The following FANCL variants were observed in gnomAD, a reference collection of about 807,000 sequenced individuals.
FANCL encodes E3 ubiquitin-protein ligase FANCL.
Under a neutral mutation model 59.4 loss-of-function variants are expected in FANCL, and 69 were observed. The ratio of observed to expected loss-of-function variants is 1.16; its 90% confidence interval spans 0.96 to 1.42. FANCL has a LOEUF of 1.42. Ranked by LOEUF, FANCL falls within the 40% of genes most tolerant of loss-of-function variation. The pLI, the probability that FANCL is intolerant of heterozygous loss-of-function variation, is 0.00. For missense variants in FANCL, 519 were observed against 447.2 expected, an observed-to-expected ratio of 1.16 and a Z score of -1.45; for synonymous variants, 180 against 147.1, an observed-to-expected ratio of 1.22 and a Z score of -1.62.
In FANCL at chr2:58,194,326, A is replaced by T. The variant is rs1689225898; in HGVS notation, c.540+4268T>A. The T allele has an allele frequency of 6.4e-6, 3 of 470,336 alleles. No individual in the cohort carries two copies. The Admixed American group carries it at 7.1e-5, about 11-fold the overall frequency. The allele number at this position is 470,336 out of a possible 1,614,324, so 29.1% of individuals were successfully genotyped here. On this transcript the variant is annotated intron_variant, in intron 7 of 13. Coordinates refer to ENST00000233741, the MANE Select transcript of FANCL (RefSeq NM_018062.4). The stretch of plus-strand genomic sequence containing the variant: ...TAATCATAATATCAGTGCACTTAAA[A>T]TCTGACATTTAGGCATTCTACAGTC...
intron 7 of FANCL, among the ~76,000 whole-genome samples, chr2:58,180,341 C>T (rs1468767052): frequency 6.6e-6 from 1 of 152,054 alleles, no homozygotes; most frequent in Non-Finnish European, 1.5e-5. Context: ...CAATGATAGA[C>T]TGGAAAAGAA....
At chr2:58,163,249 C>CA in intron 9 of FANCL, 175 bp from the exon 10 acceptor site, 1 of 740,260 alleles carries the variant, frequency 1.4e-6, no homozygotes, top group Non-Finnish European at 2.3e-6. Context: ...TTTAAAATAA[C>CA]TATCATTATT....
At chr2:58,214,321 A>T (rs912003469) in intron 5 of FANCL, among the ~76,000 whole-genome samples, 23 of 152,164 alleles carry the variant, frequency 1.5e-4, no homozygotes, top group Admixed American at 1.5e-3. Context: ...TACAAAGCAA[A>T]AGACAACACT....
chr2:58,209,469 G>C (rs557152004), intron 5 of FANCL, among the ~76,000 whole-genome samples: 58 of 151,776 alleles, frequency 3.8e-4, no homozygotes, highest in African/African-American at 1.3e-3. Flanking sequence ...AAGGTTTTCA[G>C]TTTAACTGAA....
rs542443635 is a variant in FANCL at position 58,164,364 on chromosome 2, C to G, written c.692-847G>C. Among the ~76,000 whole-genome samples, 148 of 151,936 alleles carry G rather than the reference C, an allele frequency of 9.7e-4. 1 individual carries two copies. Among genetic ancestry groups the G allele is most frequent in the African/African-American group, 3.4e-3 (143 of 41,498 alleles). On this transcript the variant is annotated intron_variant, in intron 8 of 13. Coordinates refer to ENST00000233741, the MANE Select transcript of FANCL (RefSeq NM_018062.4). ...ATATCTGGCAAAAAGAGGTCATTAA[C>G]AGAAAAAAATGACTAGCCATTCAAT...
chr2:58,180,689 C>T (rs1040349879), intron 7 of FANCL, among the ~76,000 whole-genome samples: 10 of 151,746 alleles, frequency 6.6e-5, no homozygotes, highest in Admixed American at 3.9e-4. Context: ...ACATGTATAC[C>T]AGAACTTAAA....
At chr2:58,162,809 C>T in intron 11 of FANCL, 57 bp downstream of exon 11, 1 of 1,397,222 alleles carries the variant, frequency 7.2e-7, no homozygotes, top group Admixed American at 1.7e-5. Flanking sequence ...CTGAGAGAAG[C>T]ATTTAAACTT....
At chr2:58,238,794 T>C (rs568137431) in intron 1 of FANCL, among the ~76,000 whole-genome samples, 3 of 152,182 alleles carry the variant, frequency 2.0e-5, no homozygotes, top group South Asian at 2.1e-4. Context: ...TTAAGGTGCA[T>C]AGTAAATTGA....
chr2:58,159,441 C>A lies in FANCL; in HGVS notation c.*324G>T. 1 of 1,613,554 alleles carries A rather than the reference C, an allele frequency of 6.2e-7. No homozygotes were observed. Among genetic ancestry groups the A allele is most frequent in the Non-Finnish European group, 8.5e-7 (1 of 1,179,650 alleles). ...CACAAAAAATCAGCTATACACAATTCCCAAACTCATTTTATGAGCCTCATC... is the reference window on the plus strand; with the variant it reads ...CACAAAAAATCAGCTATACACAATTACCAAACTCATTTTATGAGCCTCATC... On this transcript the variant is annotated 3_prime_UTR_variant, in exon 14 of 14. Coordinates refer to ENST00000233741, the MANE Select transcript of FANCL (RefSeq NM_018062.4).
At chr2:58,188,768 AG>A (rs920632886) in intron 7 of FANCL, among the ~76,000 whole-genome samples, 2 of 151,638 alleles carry the variant, frequency 1.3e-5, no homozygotes, top group African/African-American at 4.8e-5. Flanking sequence ...TAAATTAGGA[AG>A]GAAAAAAAAA....
intron 1 of FANCL, among the ~76,000 whole-genome samples, chr2:58,239,492 G>T (rs1380446127): frequency 6.6e-6 from 1 of 152,126 alleles, no homozygotes; most frequent in Non-Finnish European, 1.5e-5. Flanking sequence ...ATTGTTCCAG[G>T]TTAGACATGA....
Position 58,213,953 on chromosome 2 carries a change from CTATGGGA to C in FANCL, c.374+7982_374+7988del, listed in dbSNP as rs558347088. Reference sequence around the variant, plus strand: ...TTAAAGGCTCCATATCGGAGCTGCCCTATGGGACAACTCTAGGGAGCATCATTCACAC... The same window carrying C: ...TTAAAGGCTCCATATCGGAGCTGCCCCAACTCTAGGGAGCATCATTCACAC... On this transcript the variant is annotated intron_variant, in intron 5 of 13. Transcript: ENST00000233741. 1.1e-3 allele frequency among the ~76,000 whole-genome samples: 165 copies of C among 152,254 alleles called. 2 individuals are homozygous for C. Among genetic ancestry groups the C allele is most frequent in the African/African-American group, 3.6e-3 (151 of 41,540 alleles).
At chr2:58,213,849 CATTTT>C (rs1691431537) in intron 5 of FANCL, 1 of 152,008 alleles carries the variant, frequency 6.6e-6, no homozygotes, top group Non-Finnish European at 1.5e-5. Flanking sequence ...GCAAATCGTC[CATTTT>C]ATTCGTGGTA....
chr2:58,200,359 A>G (rs1689874629), intron 6 of FANCL, among the ~76,000 whole-genome samples: 1 of 152,096 alleles, frequency 6.6e-6, no homozygotes, highest in Non-Finnish European at 1.5e-5. Context: ...GCTGTTTCAC[A>G]TGTAAAAATG....
intron 1 of FANCL, among the ~76,000 whole-genome samples, chr2:58,235,555 G>C (rs1693935069): frequency 6.6e-6 from 1 of 151,924 alleles, no homozygotes; most frequent in Non-Finnish European, 1.5e-5. Flanking sequence ...CAAATCTCAA[G>C]AATACTTAGA....
At chr2:58,171,702 T>C (rs1489249886) in intron 7 of FANCL, among the ~76,000 whole-genome samples, 1 of 152,176 alleles carries the variant, frequency 6.6e-6, no homozygotes, top group Non-Finnish European at 1.5e-5. Context: ...GATTTCTGCA[T>C]TTCCATCTGA....
intron 7 of FANCL, among the ~76,000 whole-genome samples, chr2:58,191,427 C>T (rs1688906014): frequency 6.6e-6 from 1 of 151,794 alleles, no homozygotes; most frequent in Non-Finnish European, 1.5e-5. Context: ...CATCAAAGTA[C>T]TCACAATATA....
chr2:58,199,056 A>T (rs1247077350), intron 6 of FANCL, among the ~76,000 whole-genome samples: 2 of 151,430 alleles, frequency 1.3e-5, no homozygotes, highest in Non-Finnish European at 2.9e-5. Flanking sequence ...GAAAAACGAG[A>T]TATATTGGGG....
intron 1 of FANCL, among the ~76,000 whole-genome samples, chr2:58,234,133 G>A (rs1169200854): frequency 6.6e-6 from 1 of 152,004 alleles, no homozygotes; most frequent in Non-Finnish European, 1.5e-5. Flanking sequence ...AAGCTACTAT[G>A]AGACAAAGAA....
Sources: allele counts gnomAD v4.1 joint callset (sites outside exome capture counted in the v4.1 genomes callset), GRCh38; gene constraint gnomAD v4.1.1; transcripts MANE v1.5; gene names NCBI Gene and HGNC (gene_info 2026-07-23, HGNC 2026-07-21).